The following GNG7 variants were observed in gnomAD, a reference collection of about 807,000 sequenced individuals.
GNG7 encodes the protein G protein subunit gamma 7, also known as guanine nucleotide-binding protein G(I)/G(S)/G(O) subunit gamma-7.
Under a neutral mutation model 4.0 loss-of-function variants are expected in GNG7, and 1 was observed. That is an observed-to-expected ratio of 0.25 (90% CI 0.09 to 1.18). The LOEUF (loss-of-function observed/expected upper bound fraction) is 1.18, where lower values mean the gene tolerates loss of function less well. GNG7 is among the 50% of genes most tolerant of loss of function. The probability of loss-of-function intolerance (pLI) is 0.50; values close to 1 mark genes in which losing one functional copy is unlikely to be tolerated. For missense variants in GNG7, 86 were observed against 91.9 expected (o/e 0.94, Z 0.26); for synonymous variants, 34 against 36.9 (o/e 0.92, Z 0.29).
At chr19:2,612,088 T>C (rs1294059765) in intron 2 of GNG7, among the ~76,000 whole-genome samples, 1 of 152,094 alleles carries the variant, frequency 6.6e-6, no homozygotes, top group Non-Finnish European at 1.5e-5. Flanking sequence ...TTGGCCAGGA[T>C]GGTCTCGATC....
At chr19:2,537,710 C>G (rs964528418) in intron 3 of GNG7, among the ~76,000 whole-genome samples, 1 of 151,616 alleles carries the variant, frequency 6.6e-6, no homozygotes, top group Non-Finnish European at 1.5e-5. Flanking sequence ...GAAACTGGCC[C>G]TGGAGTGGGG....
At chr19:2,595,050 GT>G (rs1980972965) in intron 2 of GNG7, 1 of 151,848 alleles carries the variant, frequency 6.6e-6, no homozygotes. Context: ...AGCCCAGGTG[GT>G]CAAGGTTGCA....
Position 2,617,127 on chromosome 19 carries a change from T to C in GNG7, c.-78+29097A>G, listed in dbSNP as rs1474806823. Among the ~76,000 whole-genome samples the C allele has an allele frequency of 6.6e-6, 1 of 152,214 alleles. No homozygotes were observed. The highest frequency in any genetic ancestry group is 1.9e-4 in the East Asian group (1 of 5,202). On this transcript the variant is annotated intron_variant, in intron 2 of 4. Transcript: ENST00000382159. The surrounding 1 kb of genome is among the most constrained non-coding windows in gnomAD (Gnocchi z 4.7). ...GTCTCTGACGTTCAGGGCTGGATCA[T>C]TCTCTGGGATGGGGCCATCCTGGTG...
chr19:2,552,125 C>G (rs1023665419), intron 3 of GNG7, among the ~76,000 whole-genome samples: 4 of 152,052 alleles, frequency 2.6e-5, no homozygotes, highest in African/African-American at 9.7e-5. Context: ...TGGTTGCACG[C>G]TCCTTATGAG....
chr19:2,622,033 G>A (rs1395770368), intron 2 of GNG7, among the ~76,000 whole-genome samples: 1 of 151,834 alleles, frequency 6.6e-6, no homozygotes, highest in Non-Finnish European at 1.5e-5. Context: ...CCACGGAGGA[G>A]TGAGTTCGAT....
chr19:2,544,124 G>A (rs184874892), intron 3 of GNG7, among the ~76,000 whole-genome samples: 27 of 152,342 alleles, frequency 1.8e-4, no homozygotes, highest in African/African-American at 5.8e-4. Flanking sequence ...CCCGTGGAGG[G>A]ATGACTGCTT....
At chr19:2,671,554 G>A (rs942051286) in intron 1 of GNG7, among the ~76,000 whole-genome samples, 9 of 152,008 alleles carry the variant, frequency 5.9e-5, no homozygotes, top group African/African-American at 1.9e-4. Flanking sequence ...GCTGAGCTCC[G>A]AGGCCATGTC....
intron 2 of GNG7, among the ~76,000 whole-genome samples, chr19:2,639,127 G>A (rs1982412443): frequency 6.6e-6 from 1 of 151,924 alleles, no homozygotes; most frequent in South Asian, 2.1e-4. Context: ...ATCCCAGCTT[G>A]GGAGGCTGAG....
intron 1 of GNG7, among the ~76,000 whole-genome samples, chr19:2,664,984 CA>C (rs1983269294): frequency 6.6e-6 from 1 of 151,990 alleles, no homozygotes; most frequent in Admixed American, 6.6e-5. Context: ...CACGGACCCC[CA>C]AGATACTCTG....
chr19:2,589,165 T>G (rs1033610297), intron 2 of GNG7, among the ~76,000 whole-genome samples: 2 of 151,616 alleles, frequency 1.3e-5, no homozygotes, highest in Non-Finnish European at 2.9e-5. Context: ...CAACCTCAGG[T>G]GATCCGCCTG....
At chr19:2,544,709 G>T (rs180902401) in intron 3 of GNG7, among the ~76,000 whole-genome samples, 9 of 152,138 alleles carry the variant, frequency 5.9e-5, no homozygotes, top group Admixed American at 2.6e-4. Flanking sequence ...CTCTTAATTG[G>T]GGGGGTGGGT....
At chr19:2,644,325 CTTTATA>C (rs1982599623) in intron 2 of GNG7, among the ~76,000 whole-genome samples, 1 of 54,870 alleles carries the variant, frequency 1.8e-5, no homozygotes, top group African/African-American at 6.9e-5. Context: ...CCGGCCTACA[CTTTATA>C]TATATATATA....
chr19:2,526,444 T>C (rs1978399374), intron 3 of GNG7, among the ~76,000 whole-genome samples: 1 of 121,316 alleles, frequency 8.2e-6, no homozygotes, highest in East Asian at 2.5e-4. Flanking sequence ...TATATTATAC[T>C]ATAGTATTAT....
intron 2 of GNG7, among the ~76,000 whole-genome samples, chr19:2,612,514 C>G (rs773826404): frequency 2.0e-5 from 3 of 152,076 alleles, no homozygotes; most frequent in African/African-American, 4.8e-5. Context: ...AGGACCCCCC[C>G]CAGGCAGGAC....
In GNG7 at chr19:2,557,949, C is replaced by T. The variant is rs1353980252; in HGVS notation, c.-77-2761G>A. Among the ~76,000 whole-genome samples the T allele has an allele frequency of 2.0e-5, 3 of 152,118 alleles. No individual in the cohort carries two copies. Among genetic ancestry groups the T allele is most frequent in the Non-Finnish European group, 2.9e-5 (2 of 68,026 alleles). On this transcript the variant is annotated intron_variant, in intron 2 of 4. Transcript: ENST00000382159. The surrounding 1 kb of genome is among the most constrained non-coding windows in gnomAD (Gnocchi z 5.1). Reference sequence around the variant, plus strand: ...CTCTGCCTCCTGGGTACAAGCGACTCTCCTGCCTCAGCCTCTCAAGTAGCT... The same window carrying T: ...CTCTGCCTCCTGGGTACAAGCGACTTTCCTGCCTCAGCCTCTCAAGTAGCT...
At chr19:2,520,985 G>A (rs1415581345) in intron 3 of GNG7, among the ~76,000 whole-genome samples, 1 of 152,166 alleles carries the variant, frequency 6.6e-6, no homozygotes. Context: ...GCTGGGCGTG[G>A]TGGCTCACGC....
chr19:2,642,792 C>T (rs969183054), intron 2 of GNG7: 4 of 456,656 alleles, frequency 8.8e-6, no homozygotes, highest in Admixed American at 7.0e-5. Context: ...TGGCGCCCGG[C>T]CAGAACTGAA....
intron 2 of GNG7, among the ~76,000 whole-genome samples, chr19:2,591,288 A>G (rs1381514491): frequency 6.6e-6 from 1 of 152,106 alleles, no homozygotes; most frequent in Non-Finnish European, 1.5e-5. Flanking sequence ...GCATACTCCT[A>G]CTTGCCAATA....
intron 3 of GNG7, among the ~76,000 whole-genome samples, chr19:2,534,144 C>T (rs1438581295): frequency 6.6e-6 from 1 of 152,138 alleles, no homozygotes; most frequent in African/African-American, 2.4e-5. Context: ...AATATATATA[C>T]ATCCTCATCC....
Sources: allele counts gnomAD v4.1 joint callset (sites outside exome capture counted in the v4.1 genomes callset), GRCh38; gene constraint gnomAD v4.1.1; non-coding constraint Gnocchi (gnomAD v3.1); transcripts MANE v1.5; gene names NCBI Gene and HGNC (gene_info 2026-07-23, HGNC 2026-07-21).